Variants in ZMAT4 observed in about 807,000 individuals in gnomAD.
The protein encoded by ZMAT4 is zinc finger matrin-type 4.
In ZMAT4, 17 loss-of-function variants were observed where a neutral mutation model predicts 28.7. That is an observed-to-expected ratio of 0.59 (90% CI 0.41 to 0.89). The LOEUF (loss-of-function observed/expected upper bound fraction) is 0.89. Among genes scored for constraint, ZMAT4 ranks in the 40% least tolerant of loss-of-function variants. The pLI is 0.00. For synonymous variants in ZMAT4, 117 were observed against 109.2 expected, an observed-to-expected ratio of 1.07 and a Z score of -0.44; for missense variants, 240 against 283.8, an observed-to-expected ratio of 0.85 and a Z score of 1.11.
chr8:40,749,680 C>G (rs2150545035), intron 3 of ZMAT4, among the ~76,000 whole-genome samples: 1 of 152,244 alleles, frequency 6.6e-6, no homozygotes, highest in Admixed American at 6.5e-5. Flanking sequence ...CCTGGGACTA[C>G]TAAGGTCACT....
chr8:40,837,494 C>T (rs143248537), intron 1 of ZMAT4, among the ~76,000 whole-genome samples: 2 of 152,200 alleles, frequency 1.3e-5, no homozygotes, highest in Non-Finnish European at 2.9e-5. Flanking sequence ...ACCTGAGTCA[C>T]TTGGCATGGC....
intron 5 of ZMAT4, among the ~76,000 whole-genome samples, chr8:40,656,472 T>A (rs1807927088): frequency 6.6e-6 from 1 of 152,088 alleles, no homozygotes; most frequent in African/African-American, 2.4e-5. Context: ...ATAGCATATA[T>A]CCACACAAAA....
chr8:40,887,853 G>A (rs1179217435), intron 1 of ZMAT4, among the ~76,000 whole-genome samples: 1 of 152,166 alleles, frequency 6.6e-6, no homozygotes, highest in Non-Finnish European at 1.5e-5. Flanking sequence ...GAATGCTGGG[G>A]CACCTCTGGC....
chr8:40,815,344 A>T (rs937742054), intron 2 of ZMAT4, among the ~76,000 whole-genome samples: 1 of 152,202 alleles, frequency 6.6e-6, no homozygotes, highest in Non-Finnish European at 1.5e-5. Context: ...AGCACAAGAA[A>T]TGTGTACACA....
intron 1 of ZMAT4, among the ~76,000 whole-genome samples, chr8:40,880,331 T>C (rs1362286641): frequency 3.3e-5 from 5 of 150,826 alleles, no homozygotes; most frequent in Non-Finnish European, 7.4e-5. Context: ...ATCATGACAT[T>C]GCACTCCAGC....
At chr8:40,750,821 A>G (rs1812425721) in intron 3 of ZMAT4, among the ~76,000 whole-genome samples, 1 of 152,246 alleles carries the variant, frequency 6.6e-6, no homozygotes, top group Non-Finnish European at 1.5e-5. Context: ...AACAAACACC[A>G]GCATTGGAAA....
chr8:40,728,823 T>C (rs556144974), intron 3 of ZMAT4, among the ~76,000 whole-genome samples: 1 of 152,310 alleles, frequency 6.6e-6, no homozygotes, highest in Non-Finnish European at 1.5e-5. Context: ...ACCTAGAATG[T>C]TGTCTAGTGC....
At chr8:40,609,989 C>T (rs1257787894) in intron 5 of ZMAT4, among the ~76,000 whole-genome samples, 1 of 152,216 alleles carries the variant, frequency 6.6e-6, no homozygotes, top group Non-Finnish European at 1.5e-5. Context: ...GGTAAGACAG[C>T]ATCTTTGATC....
At chr8:40,682,406 T>C (rs1342660013) in intron 4 of ZMAT4, among the ~76,000 whole-genome samples, 2 of 152,184 alleles carry the variant, frequency 1.3e-5, no homozygotes, top group African/African-American at 4.8e-5. Context: ...CTGATTTCTC[T>C]AAAAGATCCT....
intron 2 of ZMAT4, among the ~76,000 whole-genome samples, chr8:40,775,086 C>A (rs1813535626): frequency 6.6e-6 from 1 of 152,158 alleles, no homozygotes; most frequent in South Asian, 2.1e-4. Flanking sequence ...GTTGTATCCC[C>A]AAAATCTATC....
chr8:40,811,408 G>A (rs1010490400), intron 2 of ZMAT4, among the ~76,000 whole-genome samples: 5 of 152,214 alleles, frequency 3.3e-5, no homozygotes, highest in African/African-American at 1.2e-4. Context: ...AAATGTCACA[G>A]CCTGTAATGT....
At chr8:40,541,612 C>T (rs533714540) in intron 6 of ZMAT4, among the ~76,000 whole-genome samples, 47 of 152,294 alleles carry the variant, frequency 3.1e-4, no homozygotes, top group East Asian at 9.7e-4. Flanking sequence ...TCGCTCACCA[C>T]GGAACATTCC....
Position 40,713,591 on chromosome 8 carries a change from A to G in ZMAT4, c.193-16190T>C, listed in dbSNP as rs1251970557. On this transcript the variant is annotated intron_variant, in intron 3 of 6. Transcript: ENST00000297737. ...ACCCCACCAGTTAAGCAAACAACAT[A>G]AACTAAAAATGGATAAAAAGAAATA... Among the ~76,000 whole-genome samples, 3 of 152,150 alleles carry G rather than the reference A, an allele frequency of 2.0e-5. No individual in the cohort carries two copies. The East Asian group carries it at 5.8e-4, about 29-fold the overall frequency.
At chr8:40,622,841 C>T (rs1213952617) in intron 5 of ZMAT4, among the ~76,000 whole-genome samples, 1 of 152,112 alleles carries the variant, frequency 6.6e-6, no homozygotes, top group African/African-American at 2.4e-5. Flanking sequence ...CATGAGGGAT[C>T]CACCCCCATG....
chr8:40,831,931 G>A (rs932780005), intron 1 of ZMAT4, among the ~76,000 whole-genome samples: 7 of 152,144 alleles, frequency 4.6e-5, no homozygotes, highest in Admixed American at 1.3e-4. Context: ...TAAATCATCC[G>A]ATTTAATTCC....
chr8:40,875,479 C>T (rs181400282), intron 1 of ZMAT4, among the ~76,000 whole-genome samples: 13 of 152,290 alleles, frequency 8.5e-5, no homozygotes, highest in Admixed American at 7.8e-4. Context: ...GTCAATACAG[C>T]ATATTGGTGC....
At chr8:40,615,024 T>A (rs1358850443) in intron 5 of ZMAT4, among the ~76,000 whole-genome samples, 1 of 152,240 alleles carries the variant, frequency 6.6e-6, no homozygotes, top group Non-Finnish European at 1.5e-5. Context: ...CCAGCATTGA[T>A]GGTCTTTACA....
chr8:40,723,014 G>T (rs900797018), intron 3 of ZMAT4, among the ~76,000 whole-genome samples: 4 of 152,258 alleles, frequency 2.6e-5, no homozygotes, highest in African/African-American at 7.2e-5. Context: ...AACTGGAATT[G>T]CATCTTCACT....
At chr8:40,746,243 CCCTCCCTCCCTCCCTCCCTCCCTT>C (rs1199710986) in intron 3 of ZMAT4, among the ~76,000 whole-genome samples, 1,704 of 119,942 alleles carry the variant, frequency 0.014, 44 homozygotes, top group Admixed American at 0.048. Flanking sequence ...CTCCCTCCCT[CCCTCCCTCCCTCCCTCCCTCCCTT>C]CCTTCCTTTC....
Sources: allele counts gnomAD v4.1 joint callset (sites outside exome capture counted in the v4.1 genomes callset), GRCh38; gene constraint gnomAD v4.1.1; transcripts MANE v1.5; gene names NCBI Gene and HGNC (gene_info 2026-07-23, HGNC 2026-07-21).